CEP85L: variants seen among roughly 807,000 people sequenced by gnomAD.
CEP85L encodes centrosomal protein of 85 kDa-like.
A neutral mutation model predicts 100.3 loss-of-function variants in CEP85L; 60 were observed. The observed-to-expected ratio is 0.60, with a 90% CI of 0.49 to 0.74. The LOEUF (loss-of-function observed/expected upper bound fraction) is 0.74, where lower values mean the gene tolerates loss of function less well. Ranked by LOEUF, CEP85L falls within the 30% of genes least tolerant of loss-of-function variation. CEP85L has a pLI of 0.00. For missense variants in CEP85L, 973 were observed against 936.2 expected (o/e 1.04, Z -0.51); for synonymous variants, 319 against 322.7 (o/e 0.99, Z 0.12).
rs78928361 is a variant in CEP85L at position 118,576,999 on chromosome 6, A to G, written c.233-10683T>C. 3.4e-3 allele frequency among the ~76,000 whole-genome samples: 524 copies of G among 152,214 alleles called. 7 individuals are homozygous for G. The highest frequency in any genetic ancestry group is 0.024 in the Admixed American group (372 of 15,288). ...CTCTGATCAACCGGGCATGAACTGTATGGTAGCCCTCTTCCAAAATCCCAC... is the reference window on the plus strand; with the variant it reads ...CTCTGATCAACCGGGCATGAACTGTGTGGTAGCCCTCTTCCAAAATCCCAC... On this transcript the variant is annotated intron_variant, in intron 2 of 12. Transcript: ENST00000368491.
chr6:118,507,024 T>G (rs1282303821), intron 5 of CEP85L, among the ~76,000 whole-genome samples: 3 of 152,150 alleles, frequency 2.0e-5, no homozygotes, highest in African/African-American at 7.2e-5. Context: ...TACCTGATCA[T>G]GCCCAAGGCT....
At chr6:118,682,667 T>C (rs967281154) in intron 1 of CEP85L, among the ~76,000 whole-genome samples, 5 of 151,170 alleles carry the variant, frequency 3.3e-5, no homozygotes, top group African/African-American at 1.2e-4. Flanking sequence ...ATGCTTCAGG[T>C]AGAGGTAAGT....
At chr6:118,546,211 CA>C (rs756379522) in intron 3 of CEP85L, among the ~76,000 whole-genome samples, 1 of 152,108 alleles carries the variant, frequency 6.6e-6, no homozygotes, top group African/African-American at 2.4e-5. Flanking sequence ...AAGGTAAACA[CA>C]AAAACTCCCC....
At chr6:118,702,053 T>C (rs1583273633) in intron 1 of CEP85L, among the ~76,000 whole-genome samples, 1 of 152,120 alleles carries the variant, frequency 6.6e-6, no homozygotes, top group Non-Finnish European at 1.5e-5. Flanking sequence ...TGGAAATACA[T>C]GCATTAATAT....
At chr6:118,502,229 T>A (rs1173733375) in intron 5 of CEP85L, 1 of 654,026 alleles carries the variant, frequency 1.5e-6, no homozygotes, top group East Asian at 2.7e-5. Flanking sequence ...AGTTCTTATG[T>A]ACCGCATTAT....
intron 2 of CEP85L, among the ~76,000 whole-genome samples, chr6:118,596,205 T>TA (rs1781450254): frequency 6.6e-6 from 1 of 151,490 alleles, no homozygotes; most frequent in Non-Finnish European, 1.5e-5. Flanking sequence ...GACCAAAGGA[T>TA]AAAAAACATA....
In CEP85L at chr6:118,469,129, G is replaced by A. The variant is rs749094256; in HGVS notation, c.2197C>T (p.Leu733Phe). The A allele has an allele frequency of 4.3e-6, 7 of 1,613,858 alleles. No individual in the cohort carries two copies. Among genetic ancestry groups the A allele is most frequent in the Non-Finnish European group, 3.4e-6 (4 of 1,179,908 alleles). Reference protein sequence around the residue: ...LFDLKALCSILNQRAQGKEPN... With the variant: ...LFDLKALCSIFNQRAQGKEPN... ...TCCTTGCCCTGAGCACGCTGATTAA[G>A]AATACTACACAATGCTTTCAAGTCA... The change falls in exon 12 of 13, where the codon CTT (leucine) becomes TTT (phenylalanine). Residue 733 changes from leucine to phenylalanine, a missense_variant. This residue lies in a region of CEP85L where 890 missense variants were observed against 844.5 expected (regional missense o/e 1.05). Transcript: ENST00000368491.
At chr6:118,497,229 A>G (rs954242958) in intron 5 of CEP85L, among the ~76,000 whole-genome samples, 14 of 152,206 alleles carry the variant, frequency 9.2e-5, no homozygotes, top group African/African-American at 3.4e-4. Context: ...TTTGGATTAG[A>G]GTCAAGGCAG....
rs557299690 is a variant in CEP85L, at chr6:118,677,411, G to C, written c.-27-24603C>G. On this transcript the variant is annotated intron_variant, in intron 1 of 13. Coordinates refer to the CEP85L transcript ENST00000368488. ...TGAAGTGTCATTATTTTGTCTGGCT[G>C]CCAGTTGGAGGAGTTGGGAATTGCT... Among the ~76,000 whole-genome samples, 66 of 151,638 alleles carry C rather than the reference G, an allele frequency of 4.4e-4. 1 individual carries two copies. The highest frequency in any genetic ancestry group is 1.6e-3 in the African/African-American group (65 of 41,496).
chr6:118,521,798 T>C lies in CEP85L; in HGVS notation c.1139+2004A>G, dbSNP rs148769141. Among the ~76,000 whole-genome samples the C allele has an allele frequency of 3.3e-3, 509 of 152,228 alleles. 1 individual carries two copies. The highest frequency in any genetic ancestry group is 5.6e-3 in the Non-Finnish European group (379 of 68,004). Reference sequence around the variant, plus strand: ...CATCCTATGCCACCCAGCCCCCACCTGCTACCACAGACGCATAAATAAGCC... The same window carrying C: ...CATCCTATGCCACCCAGCCCCCACCCGCTACCACAGACGCATAAATAAGCC... On this transcript the variant is annotated intron_variant, in intron 4 of 12. Transcript: ENST00000368491.
At chr6:118,491,162 A>C (rs868264905) in intron 6 of CEP85L, among the ~76,000 whole-genome samples, 22 of 150,420 alleles carry the variant, frequency 1.5e-4, no homozygotes, top group Admixed American at 2.0e-4. Flanking sequence ...CCAATAGTGT[A>C]AAATCATTCC....
At chr6:118,482,060 T>C (rs768532981) in intron 7 of CEP85L, 127 bp from the exon 8 acceptor site, 13 of 518,008 alleles carry the variant, frequency 2.5e-5, no homozygotes, top group African/African-American at 1.0e-4. Context: ...AGAATCACAC[T>C]GTATTTTATC....
intron 6 of CEP85L, among the ~76,000 whole-genome samples, chr6:118,488,642 TC>T (rs1205970368): frequency 6.6e-6 from 1 of 151,940 alleles, no homozygotes; most frequent in African/African-American, 2.4e-5. Flanking sequence ...ACTAAAAACT[TC>T]CCAAATATGT....
At chr6:118,648,033 C>A (rs1473829041) in intron 1 of CEP85L, among the ~76,000 whole-genome samples, 6 of 152,102 alleles carry the variant, frequency 3.9e-5, no homozygotes, top group African/African-American at 1.4e-4. Flanking sequence ...GCCGGTGGAT[C>A]ACTTGAGGCC....
intron 2 of CEP85L, among the ~76,000 whole-genome samples, chr6:118,597,911 G>A (rs1163516682): frequency 6.6e-6 from 1 of 152,182 alleles, no homozygotes; most frequent in African/African-American, 2.4e-5. Flanking sequence ...TTCCTGACTG[G>A]ACCCAGGTTA....
At chr6:118,616,728 C>G (rs1773074177) in intron 2 of CEP85L, among the ~76,000 whole-genome samples, 1 of 151,308 alleles carries the variant, frequency 6.6e-6, no homozygotes, top group Admixed American at 6.6e-5. Flanking sequence ...AGGTGGATCA[C>G]AAGGTCAGGA....
At chr6:118,537,440 T>A (rs893017309) in intron 3 of CEP85L, 23 of 883,030 alleles carry the variant, frequency 2.6e-5, no homozygotes, top group Non-Finnish European at 3.0e-5. Flanking sequence ...TAAAAATGCA[T>A]ATGACACACT....
intron 5 of CEP85L, among the ~76,000 whole-genome samples, chr6:118,503,483 C>G (rs939638556): frequency 6.6e-6 from 1 of 151,988 alleles, no homozygotes; most frequent in Non-Finnish European, 1.5e-5. Flanking sequence ...ATATCCATCA[C>G]AATACTAAAG....
chr6:118,502,225 T>A, intron 5 of CEP85L: 1 of 670,826 alleles, frequency 1.5e-6, no homozygotes, highest in Non-Finnish European at 2.6e-6. Context: ...CTGGAGTTCT[T>A]ATGTACCGCA....
Sources: allele counts gnomAD v4.1 joint callset (sites outside exome capture counted in the v4.1 genomes callset), GRCh38; gene constraint gnomAD v4.1.1; regional missense constraint gnomAD v4.1.1; transcripts MANE v1.5; gene names NCBI Gene and HGNC (gene_info 2026-07-23, HGNC 2026-07-21).